Variants in ZCWPW2 observed in about 807,000 individuals in gnomAD.
ZCWPW2 encodes the protein zinc finger CW-type and PWWP domain containing 2.
In ZCWPW2, 45 loss-of-function variants were observed where a neutral mutation model predicts 46.6. The ratio of observed to expected loss-of-function variants is 0.96; its 90% CI spans 0.76 to 1.24. ZCWPW2 has a LOEUF of 1.24. Ranked by LOEUF, ZCWPW2 falls within the 50% of genes most tolerant of loss-of-function variation. ZCWPW2 has a pLI of 0.00. For synonymous variants in ZCWPW2, 152 were observed against 137.1 expected, an observed-to-expected ratio of 1.11 and a Z score of -0.76; for missense variants, 429 against 403.9, an observed-to-expected ratio of 1.06 and a Z score of -0.53.
Position 28,435,394 on chromosome 3 carries a change from A to C in ZCWPW2, c.492+125A>C, listed in dbSNP as rs78289608. Reference sequence around the variant, plus strand: ...TTGATATAATGTATGCTGTTTATTTAATTCAAATATTTGTATTTTTAGTGT... The same window carrying C: ...TTGATATAATGTATGCTGTTTATTTCATTCAAATATTTGTATTTTTAGTGT... On this transcript the variant is annotated intron_variant, in intron 4 of 9. Transcript: ENST00000383768. 2.1e-3 allele frequency: 1,625 copies of C among 784,496 alleles called. 17 individuals are homozygous for C. The African/African-American group carries it at 0.024, about 11-fold the overall frequency. 48.6% of individuals were successfully genotyped at this position (784,496 alleles called of 1,614,324 possible).
chr3:28,376,008 G>A (rs1174986857), intron 1 of ZCWPW2, among the ~76,000 whole-genome samples: 1 of 151,818 alleles, frequency 6.6e-6, no homozygotes, highest in Admixed American at 6.6e-5. Context: ...ACTCCATTGT[G>A]AATATGTACC....
chr3:28,445,111 A>C (rs1425813024), intron 4 of ZCWPW2, among the ~76,000 whole-genome samples: 1 of 151,604 alleles, frequency 6.6e-6, no homozygotes, highest in Non-Finnish European at 1.5e-5. Context: ...ACCAAAATCT[A>C]TATTAGTCAG....
intron 4 of ZCWPW2, among the ~76,000 whole-genome samples, chr3:28,471,721 C>T (rs1338500887): frequency 6.6e-6 from 1 of 151,860 alleles, no homozygotes; most frequent in African/African-American, 2.4e-5. Flanking sequence ...AACATAGTGC[C>T]AGCTAGCACA....
intron 1 of ZCWPW2, among the ~76,000 whole-genome samples, chr3:28,372,010 C>G (rs1334438960): frequency 6.6e-6 from 1 of 151,468 alleles, no homozygotes; most frequent in Non-Finnish European, 1.5e-5. Flanking sequence ...TCTTTCTCCT[C>G]TTTCTCCTCC....
chr3:28,421,515 G>A (rs568116629), intron 3 of ZCWPW2, among the ~76,000 whole-genome samples: 1 of 152,014 alleles, frequency 6.6e-6, no homozygotes, highest in South Asian at 2.1e-4. Context: ...GTCTTGCTAG[G>A]CTCCCCCTAT....
chr3:28,397,338 T>G (rs1310166726), intron 2 of ZCWPW2, among the ~76,000 whole-genome samples: 2 of 152,106 alleles, frequency 1.3e-5, no homozygotes, highest in Non-Finnish European at 2.9e-5. Flanking sequence ...ATTGATCTTA[T>G]TTTTTAATTT....
intron 1 of ZCWPW2, among the ~76,000 whole-genome samples, chr3:28,374,986 T>G (rs1045137079): frequency 1.3e-5 from 2 of 151,986 alleles, no homozygotes; most frequent in African/African-American, 4.8e-5. Flanking sequence ...TAATATTTGC[T>G]TTGTATACTT....
intron 3 of ZCWPW2, among the ~76,000 whole-genome samples, chr3:28,428,860 C>T (rs1486952182): frequency 6.6e-6 from 1 of 152,110 alleles, no homozygotes; most frequent in Non-Finnish European, 1.5e-5. Context: ...GTTTGCTTCC[C>T]CTTTTGTCAT....
intron 6 of ZCWPW2, among the ~76,000 whole-genome samples, chr3:28,501,702 T>C (rs1235507220): frequency 6.6e-6 from 1 of 152,146 alleles, no homozygotes; most frequent in Non-Finnish European, 1.5e-5. Context: ...TAAATTGTTA[T>C]CCATTTTATC....
chr3:28,410,213 C>G (rs779212081), intron 2 of ZCWPW2, among the ~76,000 whole-genome samples: 4 of 151,946 alleles, frequency 2.6e-5, no homozygotes, highest in Non-Finnish European at 5.9e-5. Flanking sequence ...AGCAAAGAAA[C>G]CTGACAAAAT....
At chr3:28,510,118 T>C (rs1575223476) in intron 6 of ZCWPW2, among the ~76,000 whole-genome samples, 1 of 152,322 alleles carries the variant, frequency 6.6e-6, no homozygotes, top group South Asian at 2.1e-4. Context: ...GTTGACCATA[T>C]ACATGAGAGT....
intron 4 of ZCWPW2, among the ~76,000 whole-genome samples, chr3:28,466,238 G>C (rs905619951): frequency 1.3e-5 from 2 of 152,120 alleles, no homozygotes; most frequent in Non-Finnish European, 2.9e-5. Flanking sequence ...TGGGTACCGT[G>C]CTCATTGCCT....
intron 4 of ZCWPW2, among the ~76,000 whole-genome samples, chr3:28,476,505 C>T (rs1699242720): frequency 6.6e-6 from 1 of 152,066 alleles, no homozygotes; most frequent in South Asian, 2.1e-4. Flanking sequence ...ACTGATTTTT[C>T]TCAAGAATTT....
intron 5 of ZCWPW2, among the ~76,000 whole-genome samples, chr3:28,483,259 A>G (rs1216640425): frequency 2.0e-5 from 3 of 152,282 alleles, no homozygotes; most frequent in South Asian, 2.1e-4. Context: ...ACTCCATTGT[A>G]TCACCTTTGC....
chr3:28,353,021 T>A (rs1470777956), intron 1 of ZCWPW2, among the ~76,000 whole-genome samples: 1 of 151,998 alleles, frequency 6.6e-6, no homozygotes, highest in South Asian at 2.1e-4. Flanking sequence ...CCATCTCTAC[T>A]AAAATACAAA....
chr3:28,484,264 T>C (rs1302970189), intron 5 of ZCWPW2, among the ~76,000 whole-genome samples: 1 of 152,140 alleles, frequency 6.6e-6, no homozygotes, highest in Non-Finnish European at 1.5e-5. Flanking sequence ...ATTACATTAA[T>C]TGGTTTCCAA....
At chr3:28,410,375 T>A (rs555366141) in intron 2 of ZCWPW2, among the ~76,000 whole-genome samples, 13 of 151,956 alleles carry the variant, frequency 8.6e-5, no homozygotes, top group South Asian at 6.2e-4. Flanking sequence ...AAGCTTGGTA[T>A]AATGATTAAA....
chr3:28,421,413 C>G (rs533315414), intron 3 of ZCWPW2, among the ~76,000 whole-genome samples: 34 of 152,252 alleles, frequency 2.2e-4, no homozygotes, highest in African/African-American at 7.5e-4. Context: ...TCCAGGCTCA[C>G]CACTGGCCTT....
intron 1 of ZCWPW2, among the ~76,000 whole-genome samples, chr3:28,387,089 G>A (rs1214941189): frequency 2.6e-5 from 4 of 152,114 alleles, no homozygotes; most frequent in African/African-American, 9.7e-5. Context: ...CATCTCTGTT[G>A]CTTTTTCTTG....
Sources: allele counts gnomAD v4.1 joint callset (sites outside exome capture counted in the v4.1 genomes callset), GRCh38; gene constraint gnomAD v4.1.1; transcripts MANE v1.5; gene names NCBI Gene and HGNC (gene_info 2026-07-23, HGNC 2026-07-21).